The following KALRN variants were observed in gnomAD, a reference collection of about 807,000 sequenced individuals.
KALRN encodes the protein kalirin RhoGEF kinase.
A neutral mutation model predicts 353.7 loss-of-function variants in KALRN; 70 were observed. The ratio of observed to expected loss-of-function variants is 0.20; its 90% CI spans 0.16 to 0.24. KALRN has a LOEUF of 0.24. Ranked by LOEUF, KALRN falls within the 10% of genes least tolerant of loss-of-function variation. The pLI, the probability that KALRN is intolerant of heterozygous loss-of-function variation, is 1.00. For synonymous variants in KALRN, 1,391 were observed against 1,434.8 expected, an observed-to-expected ratio of 0.97 and a Z score of 0.69; for missense variants, 2,791 against 3,756.7, an observed-to-expected ratio of 0.74 and a Z score of 6.72.
At chr3:124,069,336 AGGAGG>A (rs2042648460) in intron 1 of KALRN, among the ~76,000 whole-genome samples, 13 of 123,852 alleles carry the variant, frequency 1.0e-4, no homozygotes, top group East Asian at 4.5e-4. Flanking sequence ...GAGGAGGAGG[AGGAGG>A]AGGAGGAGGA....
chr3:124,037,760 G>GA (rs1172633751), intron 1 of KALRN, among the ~76,000 whole-genome samples: 3 of 152,106 alleles, frequency 2.0e-5, no homozygotes, highest in Admixed American at 1.3e-4. Context: ...ATAATCTAGT[G>GA]ATGGGGGAGA....
At chr3:124,624,432 G>C (rs1370452119) in intron 34 of KALRN, among the ~76,000 whole-genome samples, 1 of 152,066 alleles carries the variant, frequency 6.6e-6, no homozygotes, top group African/African-American at 2.4e-5. Flanking sequence ...ACATATATAG[G>C]GTTTGATACC....
chr3:124,707,982 A>G (rs2062719247), intron 57 of KALRN, among the ~76,000 whole-genome samples: 1 of 152,220 alleles, frequency 6.6e-6, no homozygotes, highest in Admixed American at 6.5e-5. Flanking sequence ...CTGCTCAGTG[A>G]CTGTTTAGTC....
chr3:124,368,738 C>T (rs1453616214), intron 10 of KALRN, among the ~76,000 whole-genome samples: 6 of 150,086 alleles, frequency 4.0e-5, no homozygotes, highest in South Asian at 2.2e-4. Context: ...TGTAGTGAGC[C>T]GAGATCACGC....
At chr3:124,691,370 G>A (rs189367411) in intron 51 of KALRN, among the ~76,000 whole-genome samples, 2 of 152,322 alleles carry the variant, frequency 1.3e-5, no homozygotes, top group East Asian at 3.9e-4. Context: ...GGAATTTGCG[G>A]TGAGCTGAGA....
intron 34 of KALRN, among the ~76,000 whole-genome samples, chr3:124,589,504 G>A (rs1003278474): frequency 1.3e-5 from 2 of 152,120 alleles, no homozygotes; most frequent in Admixed American, 6.6e-5. Context: ...GAGGTGGGAG[G>A]ATCGGTTGAG....
At chr3:124,391,491 T>G (rs1333844882) in intron 11 of KALRN, among the ~76,000 whole-genome samples, 1 of 152,204 alleles carries the variant, frequency 6.6e-6, no homozygotes, top group Non-Finnish European at 1.5e-5. Context: ...TCTGGCTGGA[T>G]GTCACTGACT....
intron 15 of KALRN, among the ~76,000 whole-genome samples, chr3:124,426,665 G>A (rs1434328901): frequency 1.3e-5 from 2 of 152,174 alleles, no homozygotes; most frequent in Non-Finnish European, 2.9e-5. Context: ...AACACCCCTA[G>A]AGAAATGGTG....
intron 17 of KALRN, among the ~76,000 whole-genome samples, chr3:124,435,112 T>A (rs1200657370): frequency 1.3e-5 from 2 of 152,240 alleles, no homozygotes; most frequent in South Asian, 2.1e-4. Context: ...TTCATCTCAT[T>A]GGCTAAAATA....
In KALRN at chr3:124,578,602, C is replaced by A. The variant is rs182516905; in HGVS notation, c.5182+15513C>A. Among the ~76,000 whole-genome samples the A allele has an allele frequency of 6.0e-3, 910 of 152,248 alleles. 6 individuals carry two copies. The highest frequency in any genetic ancestry group is 0.014 in the Middle Eastern group (4 of 294). On this transcript the variant is annotated intron_variant, in intron 34 of 59. Coordinates refer to ENST00000682506, the MANE Select transcript of KALRN (RefSeq NM_001388419.1). ...CTTCACATTGAAATCCTCTGCAGAG[C>A]TTTTTAAAACCCATAGATTGGCCGG...
chr3:124,211,550 G>A (rs999782618), intron 1 of KALRN, among the ~76,000 whole-genome samples: 5 of 152,296 alleles, frequency 3.3e-5, no homozygotes, highest in African/African-American at 1.2e-4. Context: ...TGGGCTCACA[G>A]GTAAAAGGTA....
At chr3:124,632,242 T>A (rs1188494306) in intron 34 of KALRN, among the ~76,000 whole-genome samples, 178 bp from the exon 35 acceptor site, 2 of 152,208 alleles carry the variant, frequency 1.3e-5, no homozygotes, top group Non-Finnish European at 2.9e-5. Context: ...ACTTTAAAAA[T>A]TGAGTGAGCG....
chr3:124,110,467 G>GCGCA (rs1210458122), intron 1 of KALRN, among the ~76,000 whole-genome samples: 1 of 54,166 alleles, frequency 1.8e-5, no homozygotes, highest in African/African-American at 4.0e-5. Flanking sequence ...ATACACACGC[G>GCGCA]CGCACACACA....
intron 17 of KALRN, 27 bp downstream of exon 17, chr3:124,434,552 G>A (rs769235619): frequency 1.2e-6 from 2 of 1,608,840 alleles, no homozygotes; most frequent in Admixed American, 3.3e-5. Context: ...TGGGGCTTGT[G>A]GGGCTGAGAT....
At chr3:124,717,730 T>C (rs978042080) in intron 59 of KALRN, among the ~76,000 whole-genome samples, 1 of 152,092 alleles carries the variant, frequency 6.6e-6, no homozygotes. Flanking sequence ...GGGAATACCT[T>C]AAATGGCCAA....
At chr3:124,172,726 A>C (rs1219995367) in intron 1 of KALRN, among the ~76,000 whole-genome samples, 1 of 152,034 alleles carries the variant, frequency 6.6e-6, no homozygotes, top group African/African-American at 2.4e-5. Flanking sequence ...GATTATTCTC[A>C]ACCCTCTCAA....
At chr3:124,135,355 G>C (rs2065803628) in intron 1 of KALRN, among the ~76,000 whole-genome samples, 1 of 152,122 alleles carries the variant, frequency 6.6e-6, no homozygotes, top group Non-Finnish European at 1.5e-5. Flanking sequence ...GAATGATACA[G>C]TGGACTTTGG....
chr3:124,153,736 A>G (rs1467192435), intron 1 of KALRN, among the ~76,000 whole-genome samples: 29 of 151,750 alleles, frequency 1.9e-4, no homozygotes, highest in Admixed American at 3.9e-4. Context: ...TCCCACCAAC[A>G]GTGTAAAAGT....
At chr3:124,160,958 C>T (rs1327755334) in intron 1 of KALRN, among the ~76,000 whole-genome samples, 1 of 152,136 alleles carries the variant, frequency 6.6e-6, no homozygotes, top group Non-Finnish European at 1.5e-5. Flanking sequence ...AGTCTTAATC[C>T]TTTGGGGTTT....
Sources: allele counts gnomAD v4.1 joint callset (sites outside exome capture counted in the v4.1 genomes callset), GRCh38; gene constraint gnomAD v4.1.1; transcripts MANE v1.5; gene names NCBI Gene and HGNC (gene_info 2026-07-23, HGNC 2026-07-21).